The following CSMD1 variants were observed in gnomAD, a reference collection of about 807,000 sequenced individuals.
CSMD1 encodes CUB and sushi domain-containing protein 1.
In CSMD1, 213 loss-of-function variants were observed where a neutral mutation model predicts 417.5. The observed-to-expected ratio is 0.51, with a 90% CI of 0.46 to 0.57. CSMD1 has a LOEUF of 0.57. CSMD1 is among the 20% of genes least tolerant of loss of function. The pLI is 0.00. For missense variants in CSMD1, 6,923 were observed against 4,529.7 expected, an observed-to-expected ratio of 1.53 and a Z score of -15.17; for synonymous variants, 2,862 against 1,736.8, an observed-to-expected ratio of 1.65 and a Z score of -16.11.
chr8:4,627,451 A>G (rs1330035513), intron 2 of CSMD1, among the ~76,000 whole-genome samples: 1 of 152,186 alleles, frequency 6.6e-6, no homozygotes, highest in African/African-American at 2.4e-5. Flanking sequence ...TGAAGAAAAA[A>G]GAATAGAAGT....
chr8:3,084,182 G>T (rs186707770), intron 49 of CSMD1, among the ~76,000 whole-genome samples: 1 of 152,122 alleles, frequency 6.6e-6, no homozygotes, highest in Non-Finnish European at 1.5e-5. Context: ...GTCATATGAG[G>T]CCAAAGTGTT....
At chr8:4,903,665 G>A (rs7017594) in intron 1 of CSMD1, among the ~76,000 whole-genome samples, 1 of 152,112 alleles carries the variant, frequency 6.6e-6, no homozygotes, top group African/African-American at 2.4e-5. Flanking sequence ...AAGTTATTCA[G>A]GACTAAATGT....
intron 5 of CSMD1, among the ~76,000 whole-genome samples, chr8:3,911,595 T>C (rs1808474035): frequency 6.6e-6 from 1 of 151,872 alleles, no homozygotes; most frequent in Non-Finnish European, 1.5e-5. Flanking sequence ...GGTCTTTATA[T>C]TTCCAGTTTC....
At position 4,303,261 on chromosome 8, in the gene CSMD1, T is replaced by A. The variant is rs1308703174; in HGVS notation, c.415+116692A>T. ...AAGTATTCTCTACTCTCATGAAATA[T>A]AAAAGAAAACAAAACAAAAATAATT... On this transcript the variant is annotated intron_variant, in intron 3 of 69. Transcript: ENST00000635120. Among the ~76,000 whole-genome samples the A allele has an allele frequency of 7.2e-5, 11 of 152,110 alleles. No homozygotes were observed. The East Asian group carries it at 1.9e-3, about 27-fold the overall frequency.
At chr8:4,395,101 C>G (rs536817102) in intron 3 of CSMD1, among the ~76,000 whole-genome samples, 4 of 152,298 alleles carry the variant, frequency 2.6e-5, no homozygotes, top group African/African-American at 7.2e-5. Flanking sequence ...ACATGAACCT[C>G]CGCTGGGAGA....
At chr8:3,870,741 C>T (rs969187169) in intron 5 of CSMD1, among the ~76,000 whole-genome samples, 6 of 152,018 alleles carry the variant, frequency 3.9e-5, no homozygotes, top group East Asian at 1.9e-4. Flanking sequence ...TGTCCTATGG[C>T]CATTTTTAAC....
At chr8:4,457,732 C>T (rs541882350) in intron 2 of CSMD1, among the ~76,000 whole-genome samples, 1 of 152,234 alleles carries the variant, frequency 6.6e-6, no homozygotes, top group Admixed American at 6.5e-5. Context: ...TCATGTGCTC[C>T]TCTGTATGGG....
At chr8:3,369,074 T>C (rs1809784709) in intron 19 of CSMD1, among the ~76,000 whole-genome samples, 180 bp downstream of exon 19, 1 of 152,236 alleles carries the variant, frequency 6.6e-6, no homozygotes, top group Non-Finnish European at 1.5e-5. Flanking sequence ...TGGTTTTTAT[T>C]GTACAGTTGA....
intron 41 of CSMD1, among the ~76,000 whole-genome samples, chr8:3,141,193 G>C (rs913793110): frequency 5.9e-5 from 9 of 151,994 alleles, no homozygotes; most frequent in Admixed American, 2.0e-4. Flanking sequence ...AGGTGGGATG[G>C]GAGTACAGGT....
intron 3 of CSMD1, among the ~76,000 whole-genome samples, chr8:4,363,597 CAA>C (rs796964502): frequency 1.8e-4 from 27 of 152,300 alleles, no homozygotes; most frequent in African/African-American, 6.0e-4. Flanking sequence ...GGACCCATTT[CAA>C]AGAGACAACA....
chr8:2,975,431 G>A lies in CSMD1; in HGVS notation c.8567-807C>T, dbSNP rs570913867. On this transcript the variant is annotated intron_variant, in intron 55 of 69. Coordinates refer to ENST00000635120, the MANE Select transcript of CSMD1 (RefSeq NM_033225.6). ...GACTACCAAGGAATTACTCAAAGGCGACTGCTTTAGTATCCTAGAGTAATT... is the reference window on the plus strand; with the variant it reads ...GACTACCAAGGAATTACTCAAAGGCAACTGCTTTAGTATCCTAGAGTAATT... Among the ~76,000 whole-genome samples, 7 of 152,234 alleles carry A rather than the reference G, an allele frequency of 4.6e-5. No homozygotes were observed. The East Asian group carries it at 7.7e-4, about 17-fold the overall frequency.
chr8:4,713,300 T>C (rs560012180), intron 1 of CSMD1, among the ~76,000 whole-genome samples: 3 of 152,358 alleles, frequency 2.0e-5, no homozygotes, highest in South Asian at 4.1e-4. Flanking sequence ...TTTGGAAACC[T>C]GGGATGCTTA....
chr8:4,317,607 GAGAGAGAGAA>G (rs1554528365), intron 3 of CSMD1, among the ~76,000 whole-genome samples: 1 of 166 alleles, frequency 6.0e-3, no homozygotes. Context: ...AGAGAGGGGA[GAGAGAGAGAA>G]AGAGAGAGAG....
At chr8:4,742,467 T>C (rs1427063648) in intron 1 of CSMD1, among the ~76,000 whole-genome samples, 1 of 152,156 alleles carries the variant, frequency 6.6e-6, no homozygotes, top group Non-Finnish European at 1.5e-5. Flanking sequence ...TGTTTACTTT[T>C]AGTCATTCAC....
chr8:4,136,038 G>C (rs1219507969), intron 3 of CSMD1, among the ~76,000 whole-genome samples: 1 of 151,994 alleles, frequency 6.6e-6, no homozygotes, highest in African/African-American at 2.4e-5. Flanking sequence ...AAAAACCAAA[G>C]AAGAATTTTA....
rs556570688 is a variant in CSMD1, at chr8:3,200,603, T to C, written c.5099-794A>G. 2.1e-4 allele frequency among the ~76,000 whole-genome samples: 31 copies of C among 151,060 alleles called. 1 individual carries two copies. Among genetic ancestry groups the C allele is most frequent in the Admixed American group, 2.0e-3 (30 of 15,134 alleles). On this transcript the variant is annotated intron_variant, in intron 32 of 69. Transcript: ENST00000635120. ...AATAATAAAATAAAAATAAAAAATA[T>C]ATAAAAGTGCATATAAAATGTGGAA...
chr8:3,606,230 C>T (rs1801606969), intron 8 of CSMD1, among the ~76,000 whole-genome samples: 1 of 152,004 alleles, frequency 6.6e-6, no homozygotes, highest in Non-Finnish European at 1.5e-5. Context: ...GGCCAGGATG[C>T]AGTGTGAGAA....
At chr8:2,944,465 T>C (rs1748205350) in intron 68 of CSMD1, among the ~76,000 whole-genome samples, 1 of 152,070 alleles carries the variant, frequency 6.6e-6, no homozygotes, top group South Asian at 2.1e-4. Context: ...ACTTCATGGG[T>C]TGGTTGTGAA....
chr8:3,717,022 C>G (rs919776429), intron 6 of CSMD1, among the ~76,000 whole-genome samples: 1 of 152,028 alleles, frequency 6.6e-6, no homozygotes, highest in African/African-American at 2.4e-5. Context: ...ATAAAGGTCA[C>G]AAAGCTTGAA....
Sources: gnomAD v4.1 joint callset for allele counts (sites outside exome capture counted in the v4.1 genomes callset) on GRCh38, gnomAD v4.1.1 for gene constraint, MANE v1.5 for transcripts, NCBI Gene and HGNC (gene_info 2026-07-23, HGNC 2026-07-21) for gene names.